USH2A: variants seen among roughly 807,000 people sequenced by gnomAD.
USH2A encodes usherin, also known as Usher syndrome 2A (autosomal recessive, mild).
USH2A carries 443 observed loss-of-function variants against 538.9 expected under a neutral mutation model. The ratio of observed to expected loss-of-function variants is 0.82; its 90% CI spans 0.76 to 0.89. The LOEUF (loss-of-function observed/expected upper bound fraction) is 0.89. Among genes scored for constraint, USH2A ranks in the 40% least tolerant of loss-of-function variants. The pLI, the probability that USH2A is intolerant of heterozygous loss-of-function variation, is 0.00. For missense variants in USH2A, 6,633 were observed against 6,324.8 expected, an observed-to-expected ratio of 1.05 and a Z score of -1.65; for synonymous variants, 2,413 against 2,273.5, an observed-to-expected ratio of 1.06 and a Z score of -1.75.
At chr1:216,407,999 T>G (rs2039424202) in intron 3 of USH2A, among the ~76,000 whole-genome samples, 1 of 152,148 alleles carries the variant, frequency 6.6e-6, no homozygotes, top group African/African-American at 2.4e-5. Context: ...GTAGTATATG[T>G]GATATATGTC....
At chr1:215,935,825 T>C (rs1051674040) in intron 37 of USH2A, among the ~76,000 whole-genome samples, 19 of 151,944 alleles carry the variant, frequency 1.3e-4, no homozygotes, top group African/African-American at 4.6e-4. Flanking sequence ...AAATGAATGA[T>C]TAAGAGTACC....
intron 21 of USH2A, among the ~76,000 whole-genome samples, chr1:216,122,904 G>T (rs1490014595): frequency 6.6e-6 from 1 of 152,140 alleles, no homozygotes; most frequent in African/African-American, 2.4e-5. Context: ...ATGTACTAGT[G>T]TAGTATATCA....
intron 43 of USH2A, among the ~76,000 whole-genome samples, chr1:215,875,178 T>C (rs1235598101): frequency 2.0e-5 from 3 of 152,162 alleles, no homozygotes; most frequent in Non-Finnish European, 2.9e-5. Flanking sequence ...CACTCCCCCT[T>C]GGGCTAAAGG....
chr1:215,883,197 A>G (rs1480972811), intron 41 of USH2A, among the ~76,000 whole-genome samples: 2 of 152,122 alleles, frequency 1.3e-5, no homozygotes, highest in Non-Finnish European at 2.9e-5. Flanking sequence ...AACCGTAATT[A>G]CTTTTGCACC....
At chr1:215,893,742 T>C (rs74966146) in intron 40 of USH2A, among the ~76,000 whole-genome samples, 3,319 of 152,262 alleles carry the variant, frequency 0.022, 55 homozygotes, top group East Asian at 0.064. Flanking sequence ...AGGAGTGTGC[T>C]TTAAGTGCCC....
chr1:216,171,411 TTAAG>T (rs1487897517), intron 21 of USH2A, among the ~76,000 whole-genome samples: 2 of 152,024 alleles, frequency 1.3e-5, no homozygotes, highest in African/African-American at 4.8e-5. Context: ...AATAGCAAAA[TTAAG>T]TATCACATTT....
intron 3 of USH2A, among the ~76,000 whole-genome samples, chr1:216,402,871 G>A (rs533113360): frequency 1.2e-4 from 19 of 152,220 alleles, no homozygotes; most frequent in South Asian, 2.1e-4. Flanking sequence ...CTAAAGCAGC[G>A]TGGAAGGGGA....
intron 47 of USH2A, among the ~76,000 whole-genome samples, chr1:215,825,798 C>A (rs979243969): frequency 3.3e-5 from 5 of 152,222 alleles, no homozygotes; most frequent in South Asian, 2.1e-4. Context: ...AAATTTAATT[C>A]TTTGCTTTCA....
intron 12 of USH2A, among the ~76,000 whole-genome samples, chr1:216,247,711 C>A (rs1429212720): frequency 6.6e-6 from 1 of 151,982 alleles, no homozygotes; most frequent in East Asian, 1.9e-4. Context: ...AGCATGGTGA[C>A]TATACTTAAT....
At chr1:215,754,592 C>T (rs898908931) in intron 58 of USH2A, among the ~76,000 whole-genome samples, 2 of 152,048 alleles carry the variant, frequency 1.3e-5, no homozygotes, top group Non-Finnish European at 2.9e-5. Flanking sequence ...AATCTTTTGG[C>T]TTCCCTGGGC....
chr1:216,068,333 G>C (rs142473289), intron 30 of USH2A, among the ~76,000 whole-genome samples: 16 of 152,100 alleles, frequency 1.1e-4, no homozygotes, highest in African/African-American at 3.6e-4. Flanking sequence ...TTAGTGTGTT[G>C]GTTTTTAACA....
intron 4 of USH2A, among the ~76,000 whole-genome samples, chr1:216,352,053 A>G (rs2038297615): frequency 6.6e-6 from 1 of 152,134 alleles, no homozygotes; most frequent in African/African-American, 2.4e-5. Flanking sequence ...TAAACATTCA[A>G]ATGGAGACTT....
At chr1:215,894,543 G>C (rs749425182) in intron 40 of USH2A, among the ~76,000 whole-genome samples, 1 of 152,000 alleles carries the variant, frequency 6.6e-6, no homozygotes, top group Non-Finnish European at 1.5e-5. Context: ...CAGGAAAAAT[G>C]GTTTTGTTTT....
chr1:216,301,887 T>C (rs1047654177), intron 9 of USH2A, among the ~76,000 whole-genome samples: 1 of 152,170 alleles, frequency 6.6e-6, no homozygotes, highest in African/African-American at 2.4e-5. Context: ...CCTAAATCTC[T>C]AATAATAGTA....
intron 47 of USH2A, among the ~76,000 whole-genome samples, chr1:215,832,112 T>C (rs1357216505): frequency 1.3e-5 from 2 of 151,928 alleles, no homozygotes; most frequent in Admixed American, 1.3e-4. Context: ...TTGCCAAATA[T>C]CATACATTAT....
chr1:215,742,860 G>C (rs1404901307), intron 59 of USH2A, among the ~76,000 whole-genome samples: 1 of 152,020 alleles, frequency 6.6e-6, no homozygotes, highest in African/African-American at 2.4e-5. Context: ...GAAATATTTG[G>C]AATACTCATT....
intron 3 of USH2A, among the ~76,000 whole-genome samples, chr1:216,371,629 T>C (rs1241840364): frequency 6.6e-6 from 1 of 152,246 alleles, no homozygotes; most frequent in Non-Finnish European, 1.5e-5. Flanking sequence ...ATATTTCATC[T>C]TGTTAGATTC....
intron 37 of USH2A, among the ~76,000 whole-genome samples, chr1:215,939,246 T>C (rs1161989278): frequency 6.6e-6 from 1 of 152,142 alleles, no homozygotes; most frequent in Non-Finnish European, 1.5e-5. Flanking sequence ...ACATCACACA[T>C]CATAAAGATA....
At chr1:215,992,959 A>G in intron 35 of USH2A, 61 bp downstream of exon 35, 3 of 1,610,308 alleles carry the variant, frequency 1.9e-6, no homozygotes, top group Non-Finnish European at 2.5e-6. Context: ...GCTGCCATTT[A>G]GAATATTAAT....
Sources: allele counts gnomAD v4.1 joint callset (sites outside exome capture counted in the v4.1 genomes callset), GRCh38; gene constraint gnomAD v4.1.1; transcripts MANE v1.5; gene names NCBI Gene and HGNC (gene_info 2026-07-23, HGNC 2026-07-21).